Variants in SORT1 observed in about 807,000 individuals in gnomAD.
The protein encoded by SORT1 is sortilin 1, also known as sortilin.
Under a neutral mutation model 101.7 loss-of-function variants are expected in SORT1, and 39 were observed. That is an observed-to-expected ratio of 0.38 (90% confidence interval 0.30 to 0.50). SORT1 has a LOEUF of 0.50. Ranked by LOEUF, SORT1 falls within the 20% of genes least tolerant of loss-of-function variation. The pLI, the probability that SORT1 is intolerant of heterozygous loss-of-function variation, is 0.90. For synonymous variants in SORT1, 396 were observed against 393.7 expected (o/e 1.01, Z -0.07); for missense variants, 878 against 1,040.4 (o/e 0.84, Z 2.15).
chr1:109,394,682 C>CTTT (rs1046711215), intron 1 of SORT1, among the ~76,000 whole-genome samples: 7 of 152,190 alleles, frequency 4.6e-5, no homozygotes, highest in Non-Finnish European at 8.8e-5. Flanking sequence ...TCTGAATGAT[C>CTTT]TTTTCTTTGT....
At chr1:109,361,357 C>G (rs902754987) in intron 3 of SORT1, among the ~76,000 whole-genome samples, 14 of 152,210 alleles carry the variant, frequency 9.2e-5, no homozygotes, top group African/African-American at 3.1e-4. Flanking sequence ...TGTCCAACAA[C>G]AAGTTCCTCA....
chr1:109,360,080 T>C (rs1403309324), intron 3 of SORT1, among the ~76,000 whole-genome samples: 1 of 152,140 alleles, frequency 6.6e-6, no homozygotes, highest in Non-Finnish European at 1.5e-5. Context: ...ATGAGATATA[T>C]TTATTTAGTT....
Position 109,355,466 on chromosome 1 carries a change from C to G in SORT1, c.444G>C (p.Glu148Asp), listed in dbSNP as rs567411233. Residue 148 changes from glutamate to aspartate, a missense_variant, in exon 4 of 20, where the codon GAG (glutamate) becomes GAC (aspartate). Glu to Asp is a conservative substitution (Grantham distance 45). Coordinates refer to ENST00000256637, the MANE Select transcript of SORT1 (RefSeq NM_002959.7). ...TATCCTTAAAGTTCTTCCCATAATC[C>G]TCACTGAGAGGAAGAAAAAAAGGGC... The part of the protein sequence containing the change: ...TFGQSKLYRS[E>D]DYGKNFKDIT... 31 of 1,521,446 alleles carry G rather than the reference C, an allele frequency of 2.0e-5. No individual in the cohort carries two copies. The highest frequency in any genetic ancestry group is 6.7e-5 in the Admixed American group (4 of 59,786). The allele number at this position is 1,521,446 out of a possible 1,614,324, so 94.2% of individuals were successfully genotyped here. A position where few individuals can be genotyped will look rare whatever the true frequency, so the allele number is the denominator to read the frequency against.
chr1:109,383,605 G>A (rs1425670438), intron 1 of SORT1, among the ~76,000 whole-genome samples: 2 of 152,138 alleles, frequency 1.3e-5, no homozygotes, highest in East Asian at 1.9e-4. Context: ...GCAAGGCATC[G>A]GTGATCCCAT....
At chr1:109,324,837 T>C in intron 14 of SORT1, 62 bp downstream of exon 14, 2 of 1,113,118 alleles carry the variant, frequency 1.8e-6, no homozygotes, top group South Asian at 1.5e-5. Flanking sequence ...TTAAACCATA[T>C]TGATTATTTA....
intron 1 of SORT1, among the ~76,000 whole-genome samples, chr1:109,385,106 G>T (rs1652492543): frequency 6.6e-6 from 1 of 151,930 alleles, no homozygotes; most frequent in Admixed American, 6.6e-5. Context: ...AAAAAGAAAA[G>T]AAATAGGACC....
intron 11 of SORT1, among the ~76,000 whole-genome samples, chr1:109,332,063 C>T (rs905589641): frequency 2.0e-5 from 3 of 149,042 alleles, no homozygotes; most frequent in East Asian, 3.9e-4. Context: ...GAAATATATC[C>T]TATGTTCCTG....
chr1:109,340,940 A>T, intron 9 of SORT1, 61 bp from the exon 10 acceptor site: 1 of 1,368,154 alleles, frequency 7.3e-7, no homozygotes, highest in South Asian at 1.4e-5. Context: ...GAAAAACAAT[A>T]GTCTAACCAC....
chr1:109,369,114 C>T (rs1651298890), intron 2 of SORT1, among the ~76,000 whole-genome samples: 1 of 152,008 alleles, frequency 6.6e-6, no homozygotes, highest in Non-Finnish European at 1.5e-5. Flanking sequence ...TGAGGTCAGG[C>T]GTTCAAGACC....
chr1:109,377,765 T>C (rs1327722500), intron 1 of SORT1, among the ~76,000 whole-genome samples: 2 of 152,174 alleles, frequency 1.3e-5, no homozygotes, highest in African/African-American at 2.4e-5. Flanking sequence ...GAGGCAGATA[T>C]AAGCAAGAGC....
chr1:109,396,835 G>A (rs1348199135), intron 1 of SORT1, among the ~76,000 whole-genome samples: 1 of 152,200 alleles, frequency 6.6e-6, no homozygotes, highest in Non-Finnish European at 1.5e-5. Context: ...CTGAAGCAAG[G>A]AACCAGGACT....
chr1:109,312,877 T>G lies in SORT1; in HGVS notation c.*1166A>C, dbSNP rs1289434376. 6.6e-6 allele frequency: 1 copy of G among 152,154 alleles called. No homozygotes were observed. Among genetic ancestry groups the G allele is most frequent in the Non-Finnish European group, 1.5e-5 (1 of 68,028 alleles). The allele number at this position is 152,154 out of a possible 1,614,324, so 9.4% of individuals were successfully genotyped here. A position where few individuals can be genotyped will look rare whatever the true frequency, so the allele number is the denominator to read the frequency against. ...TGGAAGTGTGTTTTCAATTGGTTCCTCCAAAATTTTCGTGTCAACAAATTA... is the reference window on the plus strand; with the variant it reads ...TGGAAGTGTGTTTTCAATTGGTTCCGCCAAAATTTTCGTGTCAACAAATTA... On this transcript the variant is annotated 3_prime_UTR_variant, in exon 20 of 20. Transcript: ENST00000256637.
At chr1:109,369,665 CTTTATTACTGTTCAG>C in intron 1 of SORT1, 76 bp from the exon 2 acceptor site, 5 of 955,340 alleles carry the variant, frequency 5.2e-6, no homozygotes, top group Non-Finnish European at 6.8e-6. Context: ...AATATCTGAA[CTTTATTACTGTTCAG>C]AGTAATTAAG....
chr1:109,330,784 A>C (rs1432153408), intron 11 of SORT1, among the ~76,000 whole-genome samples: 1 of 152,154 alleles, frequency 6.6e-6, no homozygotes, highest in Non-Finnish European at 1.5e-5. Context: ...AGGAGACATT[A>C]TAACTTATAC....
intron 16 of SORT1, 46 bp downstream of exon 16, chr1:109,317,807 C>T: frequency 8.0e-7 from 1 of 1,248,266 alleles, no homozygotes; most frequent in Non-Finnish European, 1.2e-6. Flanking sequence ...TCACTCTGAA[C>T]AAGAACACCT....
chr1:109,342,720 T>C (rs1271535296), intron 8 of SORT1, among the ~76,000 whole-genome samples: 2 of 152,176 alleles, frequency 1.3e-5, no homozygotes, highest in Non-Finnish European at 2.9e-5. Context: ...GGAACAGGCA[T>C]GGGCTGGAAA....
chr1:109,365,971 A>G (rs1651060272), intron 3 of SORT1, among the ~76,000 whole-genome samples: 1 of 152,246 alleles, frequency 6.6e-6, no homozygotes, highest in Non-Finnish European at 1.5e-5. Context: ...CAGTCAAATA[A>G]AGAACCTTGA....
At chr1:109,360,230 G>A (rs1650629805) in intron 3 of SORT1, among the ~76,000 whole-genome samples, 1 of 152,116 alleles carries the variant, frequency 6.6e-6, no homozygotes, top group African/African-American at 2.4e-5. Context: ...CAGCCACTTG[G>A]GAGGCTGAGG....
chr1:109,320,242 A>G (rs1647534000), intron 15 of SORT1, among the ~76,000 whole-genome samples: 1 of 152,222 alleles, frequency 6.6e-6, no homozygotes, highest in Admixed American at 6.5e-5. Flanking sequence ...TTCTAATCCT[A>G]TATTTCAAAT....
Sources: allele counts gnomAD v4.1 joint callset (sites outside exome capture counted in the v4.1 genomes callset), GRCh38; gene constraint gnomAD v4.1.1; transcripts MANE v1.5; gene names NCBI Gene and HGNC (gene_info 2026-07-23, HGNC 2026-07-21).